The following GALNT17 variants were observed in gnomAD, a reference collection of about 807,000 sequenced individuals.
GALNT17 encodes UDP-GalNAc:polypeptide N-acetylgalactosaminyltransferase-like 3.
Under a neutral mutation model 63.7 loss-of-function variants are expected in GALNT17, and 29 were observed. The ratio of observed to expected loss-of-function variants is 0.46; its 90% CI spans 0.34 to 0.62. The LOEUF (loss-of-function observed/expected upper bound fraction) is 0.62, where lower values mean the gene tolerates loss of function less well. GALNT17 is among the 20% of genes least tolerant of loss of function. GALNT17 has a pLI of 0.01. For missense variants in GALNT17, 603 were observed against 799.6 expected (o/e 0.75, Z 2.97); for synonymous variants, 305 against 318.3 (o/e 0.96, Z 0.45).
At chr7:71,393,605 T>C (rs1793088036) in intron 3 of GALNT17, among the ~76,000 whole-genome samples, 1 of 152,118 alleles carries the variant, frequency 6.6e-6, no homozygotes, top group Non-Finnish European at 1.5e-5. Flanking sequence ...TGAGGGCAGA[T>C]TGATCTATTC....
chr7:71,173,296 T>C (rs10215771), intron 1 of GALNT17, among the ~76,000 whole-genome samples: 46,150 of 152,102 alleles, frequency 0.3, 8,105 homozygotes, highest in African/African-American at 0.48. Flanking sequence ...TCAGTGTGAA[T>C]GAAGACAGAG....
chr7:71,367,287 C>T (rs1792530677), intron 2 of GALNT17, among the ~76,000 whole-genome samples: 1 of 152,074 alleles, frequency 6.6e-6, no homozygotes, highest in African/African-American at 2.4e-5. Flanking sequence ...GGGTGTTAGC[C>T]TGAGGATAAA....
intron 5 of GALNT17, among the ~76,000 whole-genome samples, chr7:71,570,051 G>GT (rs1373210938): frequency 1.3e-5 from 2 of 148,718 alleles, no homozygotes; most frequent in East Asian, 2.0e-4. Flanking sequence ...GGTGGGTTTT[G>GT]TTTTTTTGGT....
At chr7:71,589,569 C>A (rs1173521525) in intron 6 of GALNT17, among the ~76,000 whole-genome samples, 1 of 150,574 alleles carries the variant, frequency 6.6e-6, no homozygotes, top group Non-Finnish European at 1.5e-5. Context: ...GACACCTTGT[C>A]TCTGAAAAAA....
rs930060125 is a variant in GALNT17 at position 71,442,551 on chromosome 7, A to T, written c.962+21446A>T. On this transcript the variant is annotated intron_variant, in intron 5 of 10. Transcript: ENST00000333538. ...GAAAATTGGGTTGGTACTTTGCAAT[A>T]TCTTTTTGGAGTGTTGGGTCACAGT... Among the ~76,000 whole-genome samples the T allele has an allele frequency of 1.2e-4, 18 of 152,138 alleles. 1 individual carries two copies. The highest frequency in any genetic ancestry group is 4.6e-4 in the Admixed American group (7 of 15,272).
intron 5 of GALNT17, among the ~76,000 whole-genome samples, chr7:71,470,644 G>A (rs905250347): frequency 1.3e-5 from 2 of 152,064 alleles, no homozygotes; most frequent in Admixed American, 1.3e-4. Context: ...AAAACGAACA[G>A]ACCAGAGAAC....
At chr7:71,202,863 G>A (rs114613660) in intron 1 of GALNT17, among the ~76,000 whole-genome samples, 1,699 of 152,190 alleles carry the variant, frequency 0.011, 41 homozygotes, top group African/African-American at 0.039. Flanking sequence ...GTGAGATTAC[G>A]CAGTATTTGA....
At chr7:71,195,813 C>T (rs1409461146) in intron 1 of GALNT17, among the ~76,000 whole-genome samples, 4 of 152,050 alleles carry the variant, frequency 2.6e-5, no homozygotes, top group Non-Finnish European at 5.9e-5. Context: ...CCTCTCAAAG[C>T]GCTGGGGTTA....
At position 71,265,118 on chromosome 7, in the gene GALNT17, ATTTTTTTT is replaced by A. The variant is rs60738546; in HGVS notation, c.239-70413_239-70406del. 1.1e-3 allele frequency among the ~76,000 whole-genome samples: 41 copies of A among 37,424 alleles called. 1 individual carries two copies. Among genetic ancestry groups the A allele is most frequent in the Non-Finnish European group, 2.0e-3 (29 of 14,660 alleles). The allele number at this position is 37,424 out of a possible 152,430, so 24.6% of individuals were successfully genotyped here. ...AAATATTATATATATATATATATATATTTTTTTTTTTTTTTTTTTTTTTTTTGAGATGG... is the reference window on the plus strand; with the variant it reads ...AAATATTATATATATATATATATATATTTTTTTTTTTTTTTTTTGAGATGG... On this transcript the variant is annotated intron_variant, in intron 1 of 10. Transcript: ENST00000333538.
intron 1 of GALNT17, among the ~76,000 whole-genome samples, chr7:71,136,644 C>T (rs1246685652): frequency 6.6e-6 from 1 of 151,938 alleles, no homozygotes; most frequent in Non-Finnish European, 1.5e-5. Context: ...GCCACCATGC[C>T]CGGCTAATTT....
intron 2 of GALNT17, among the ~76,000 whole-genome samples, chr7:71,373,455 C>T (rs895403456): frequency 3.9e-5 from 6 of 152,038 alleles, no homozygotes; most frequent in African/African-American, 7.2e-5. Context: ...GTCTCTATAC[C>T]GGGGGTCCCC....
At chr7:71,370,321 G>C (rs1792597980) in intron 2 of GALNT17, among the ~76,000 whole-genome samples, 1 of 152,078 alleles carries the variant, frequency 6.6e-6, no homozygotes, top group Admixed American at 6.6e-5. Context: ...TTTTATTTTA[G>C]TTTGTTACTT....
At chr7:71,604,399 G>A (rs66544960) in intron 6 of GALNT17, among the ~76,000 whole-genome samples, 75,804 of 152,060 alleles carry the variant, frequency 0.5, 19,619 homozygotes, top group African/African-American at 0.6. Context: ...TGCTAAGTGC[G>A]TACACCAGTA....
At chr7:71,423,039 TG>T (rs1174590287) in intron 5 of GALNT17, among the ~76,000 whole-genome samples, 1 of 152,162 alleles carries the variant, frequency 6.6e-6, no homozygotes, top group Non-Finnish European at 1.5e-5. Context: ...TGGTGTCTGC[TG>T]GTGTCTGTCC....
intron 2 of GALNT17, among the ~76,000 whole-genome samples, chr7:71,338,121 A>C (rs1335027804): frequency 6.6e-6 from 1 of 151,728 alleles, no homozygotes; most frequent in Non-Finnish European, 1.5e-5. Context: ...AGATCAGGAG[A>C]TCGAGACCAT....
At chr7:71,570,400 A>G (rs1395525881) in intron 5 of GALNT17, among the ~76,000 whole-genome samples, 1 of 152,084 alleles carries the variant, frequency 6.6e-6, no homozygotes, top group African/African-American at 2.4e-5. Context: ...CTTCCAGCAT[A>G]ACGTGGAAAT....
At chr7:71,169,745 G>T (rs1267214476) in intron 1 of GALNT17, among the ~76,000 whole-genome samples, 1 of 151,928 alleles carries the variant, frequency 6.6e-6, no homozygotes, top group Non-Finnish European at 1.5e-5. Context: ...TTGTAGAGAC[G>T]GGGTTTCACC....
At chr7:71,695,431 C>T (rs1181525130) in intron 9 of GALNT17, among the ~76,000 whole-genome samples, 2 of 152,180 alleles carry the variant, frequency 1.3e-5, no homozygotes, top group African/African-American at 2.4e-5. Context: ...CCCTTGGGAC[C>T]ATCCCAGCCC....
intron 6 of GALNT17, among the ~76,000 whole-genome samples, chr7:71,591,750 C>T (rs1006381676): frequency 1.7e-4 from 26 of 152,074 alleles, no homozygotes; most frequent in African/African-American, 6.3e-4. Flanking sequence ...GCAGCCTCTG[C>T]CTCCCAGATT....
Sources: gnomAD v4.1 joint callset for allele counts (sites outside exome capture counted in the v4.1 genomes callset) on GRCh38, gnomAD v4.1.1 for gene constraint, MANE v1.5 for transcripts, NCBI Gene and HGNC (gene_info 2026-07-23, HGNC 2026-07-21) for gene names.